The following MAGI2 variants were observed in gnomAD, a reference collection of about 807,000 sequenced individuals.
MAGI2 encodes membrane associated guanylate kinase, WW and PDZ domain containing 2.
In MAGI2, 35 loss-of-function variants were observed where a neutral mutation model predicts 133.3. The ratio of observed to expected loss-of-function variants is 0.26; its 90% CI spans 0.20 to 0.35. The LOEUF (loss-of-function observed/expected upper bound fraction) is 0.35, where lower values mean the gene tolerates loss of function less well. MAGI2 is among the 10% of genes least tolerant of loss of function. The probability of loss-of-function intolerance (pLI) is 1.00; values close to 1 mark genes in which losing one functional copy is unlikely to be tolerated. For missense variants in MAGI2, 1,636 were observed against 1,863.4 expected, an observed-to-expected ratio of 0.88 and a Z score of 2.25; for synonymous variants, 729 against 710.6, an observed-to-expected ratio of 1.03 and a Z score of -0.41.
intron 1 of MAGI2, among the ~76,000 whole-genome samples, chr7:79,149,114 T>A (rs1170116243): frequency 1.4e-5 from 2 of 144,292 alleles, no homozygotes; most frequent in African/African-American, 2.5e-5. Context: ...ATATATTATA[T>A]TATATATAAT....
chr7:78,046,284 C>G (rs927547063), intron 21 of MAGI2, among the ~76,000 whole-genome samples: 1 of 151,618 alleles, frequency 6.6e-6, no homozygotes, highest in Admixed American at 6.6e-5. Flanking sequence ...CATGTGTAAT[C>G]CCAGCTACTC....
At chr7:78,619,850 A>C (rs1411759761) in intron 3 of MAGI2, among the ~76,000 whole-genome samples, 1 of 152,008 alleles carries the variant, frequency 6.6e-6, no homozygotes, top group Non-Finnish European at 1.5e-5. Flanking sequence ...CTACTGGTCA[A>C]ATAAACATTT....
intron 3 of MAGI2, among the ~76,000 whole-genome samples, chr7:78,576,740 A>G (rs1048069749): frequency 6.6e-6 from 1 of 152,158 alleles, no homozygotes; most frequent in South Asian, 2.1e-4. Context: ...CAAACTTAGC[A>G]TAAAAGTACA....
At chr7:79,422,199 G>A (rs563862632) in intron 1 of MAGI2, among the ~76,000 whole-genome samples, 1 of 151,936 alleles carries the variant, frequency 6.6e-6, no homozygotes, top group Non-Finnish European at 1.5e-5. Context: ...AAATAGAGTG[G>A]AGTTATTTAA....
intron 3 of MAGI2, among the ~76,000 whole-genome samples, chr7:78,609,423 TAACA>T (rs1806193985): frequency 6.6e-6 from 1 of 152,178 alleles, no homozygotes; most frequent in Non-Finnish European, 1.5e-5. Flanking sequence ...TACATACAGT[TAACA>T]AATACTATTA....
At chr7:79,020,133 G>T (rs1028964489) in intron 1 of MAGI2, among the ~76,000 whole-genome samples, 19 of 152,244 alleles carry the variant, frequency 1.2e-4, no homozygotes, top group African/African-American at 4.6e-4. Context: ...GGAACTTGTT[G>T]GGAACAGGAA....
rs2151025287 is a variant in MAGI2 at position 78,018,016 on chromosome 7, TA to T, written c.*1298del. 2 of 152,358 alleles carry T rather than the reference TA, an allele frequency of 1.3e-5. No homozygotes were observed. The highest frequency in any genetic ancestry group is 3.9e-4 in the East Asian group (2 of 5,194). 9.4% of individuals were successfully genotyped at this position (152,358 alleles called of 1,614,324 possible). A position where few individuals can be genotyped will look rare whatever the true frequency, so the allele number is the denominator to read the frequency against. ...GTACCAATGGCTAATTAATTGAAGC[TA>T]ACATTTTACAAAGAAATGCTAAAAC... On this transcript the variant is annotated 3_prime_UTR_variant, in exon 22 of 22. Transcript: ENST00000354212.
intron 2 of MAGI2, among the ~76,000 whole-genome samples, chr7:78,766,878 T>A (rs1825079934): frequency 6.6e-6 from 1 of 152,246 alleles, no homozygotes; most frequent in African/African-American, 2.4e-5. Flanking sequence ...CGTCCTACTG[T>A]TGACTTTGTG....
intron 10 of MAGI2, among the ~76,000 whole-genome samples, chr7:78,214,520 A>C (rs1292973569): frequency 6.6e-6 from 1 of 152,236 alleles, no homozygotes; most frequent in African/African-American, 2.4e-5. Flanking sequence ...GCCTGATGTC[A>C]TTTTAAGATT....
intron 6 of MAGI2, among the ~76,000 whole-genome samples, chr7:78,429,707 C>T (rs4727698): frequency 6.6e-6 from 1 of 151,626 alleles, no homozygotes; most frequent in South Asian, 2.1e-4. Context: ...GTGACTATAC[C>T]TAATAATACT....
intron 3 of MAGI2, among the ~76,000 whole-genome samples, chr7:78,624,831 T>C (rs1808163986): frequency 6.6e-6 from 1 of 152,166 alleles, no homozygotes. Flanking sequence ...ATACTTGATA[T>C]TGATAATAAA....
At chr7:78,489,535 A>G in intron 6 of MAGI2, among the ~76,000 whole-genome samples, 1 of 152,138 alleles carries the variant, frequency 6.6e-6, no homozygotes, top group East Asian at 1.9e-4. Context: ...ACCAACAGAG[A>G]TGACAGAGAT....
intron 2 of MAGI2, among the ~76,000 whole-genome samples, chr7:78,788,075 G>A (rs925399520): frequency 1.3e-5 from 2 of 152,166 alleles, no homozygotes; most frequent in African/African-American, 2.4e-5. Flanking sequence ...ACAGATCCTG[G>A]ATGAGCTTGT....
intron 3 of MAGI2, among the ~76,000 whole-genome samples, chr7:78,620,479 T>C (rs909329793): frequency 6.6e-6 from 1 of 152,022 alleles, no homozygotes; most frequent in African/African-American, 2.4e-5. Flanking sequence ...TAAATTTCTA[T>C]AGGATTTTAT....
intron 1 of MAGI2, among the ~76,000 whole-genome samples, chr7:79,347,399 C>A (rs1244251488): frequency 6.6e-6 from 1 of 151,872 alleles, no homozygotes; most frequent in African/African-American, 2.4e-5. Flanking sequence ...TCCCATGATT[C>A]TTTCTGTGTT....
intron 10 of MAGI2, among the ~76,000 whole-genome samples, chr7:78,246,556 C>T (rs186853959): frequency 6.6e-6 from 1 of 152,244 alleles, no homozygotes; most frequent in Non-Finnish European, 1.5e-5. Flanking sequence ...GCTGCTGAGA[C>T]AAACCCTTCA....
intron 3 of MAGI2, among the ~76,000 whole-genome samples, chr7:78,548,997 A>T (rs1319498314): frequency 7.9e-5 from 12 of 152,332 alleles, no homozygotes; most frequent in Admixed American, 2.6e-4. Flanking sequence ...GTTAAACCTC[A>T]ATTCATTCAA....
At chr7:78,689,124 T>C (rs1816688784) in intron 2 of MAGI2, among the ~76,000 whole-genome samples, 2 of 152,210 alleles carry the variant, frequency 1.3e-5, no homozygotes, top group South Asian at 2.1e-4. Context: ...TTAACCATAA[T>C]TTGTGGAATT....
intron 4 of MAGI2, among the ~76,000 whole-genome samples, chr7:78,516,537 G>C (rs949323394): frequency 2.0e-5 from 3 of 152,038 alleles, no homozygotes; most frequent in Admixed American, 1.3e-4. Flanking sequence ...ATTTTTTGTA[G>C]ACACAGGATT....
Sources: allele counts gnomAD v4.1 joint callset (sites outside exome capture counted in the v4.1 genomes callset), GRCh38; gene constraint gnomAD v4.1.1; transcripts MANE v1.5; gene names NCBI Gene and HGNC (gene_info 2026-07-23, HGNC 2026-07-21).